The following MCTP2 variants were observed in gnomAD, a reference collection of about 807,000 sequenced individuals.
The protein encoded by MCTP2 is multiple C2 and transmembrane domain containing 2, also known as multiple C2 and transmembrane domain-containing protein 2.
In MCTP2, 132 loss-of-function variants were observed where a neutral mutation model predicts 111.6. That is an observed-to-expected ratio of 1.18 (90% CI 1.03 to 1.37). The LOEUF (loss-of-function observed/expected upper bound fraction) is 1.37, where lower values mean the gene tolerates loss of function less well. Ranked by LOEUF, MCTP2 falls within the 40% of genes most tolerant of loss-of-function variation. MCTP2 has a pLI of 0.00. For missense variants in MCTP2, 1,183 were observed against 1,067.9 expected (o/e 1.11, Z -1.50); for synonymous variants, 395 against 387.7 (o/e 1.02, Z -0.22).
intron 7 of MCTP2, 172 bp downstream of exon 7, chr15:94,341,096 T>C: frequency 1.9e-6 from 1 of 517,702 alleles, no homozygotes; most frequent in South Asian, 3.1e-5. Flanking sequence ...AATGCTCTTC[T>C]TTGAGGAACC....
At chr15:94,243,627 A>G (rs978350647) in intron 1 of MCTP2, among the ~76,000 whole-genome samples, 6 of 149,304 alleles carry the variant, frequency 4.0e-5, no homozygotes, top group African/African-American at 9.8e-5. Flanking sequence ...GTATATACGC[A>G]TATGCGTATA....
chr15:94,281,662 T>A (rs1181156614), intron 1 of MCTP2, among the ~76,000 whole-genome samples: 1 of 152,220 alleles, frequency 6.6e-6, no homozygotes, highest in African/African-American at 2.4e-5. Context: ...CAGTGTGCTA[T>A]GTACTTCAGT....
chr15:94,262,891 G>GA lies in MCTP2; in HGVS notation c.-66+31229dup, dbSNP rs1205408155. 2.0e-5 allele frequency among the ~76,000 whole-genome samples: 3 copies of GA among 152,206 alleles called. No individual in the cohort carries two copies. The East Asian group carries it at 5.8e-4, about 29-fold the overall frequency. On this transcript the variant is annotated intron_variant, in intron 1 of 22. Transcript: ENST00000357742. ...TTGCCATGTTGGCCAGGCTGGTCTCGAACTCCTGGCCTCCTGTGATCCACC... is the reference window on the plus strand; with the variant it reads ...TTGCCATGTTGGCCAGGCTGGTCTCGAAACTCCTGGCCTCCTGTGATCCACC...
intron 21 of MCTP2, among the ~76,000 whole-genome samples, chr15:94,471,196 G>A (rs980322124): frequency 6.6e-6 from 1 of 152,188 alleles, no homozygotes; most frequent in Non-Finnish European, 1.5e-5. Context: ...TGTTGGAGAA[G>A]CAGTTAGCCG....
At chr15:94,427,973 A>G (rs1461566301) in intron 17 of MCTP2, among the ~76,000 whole-genome samples, 1 of 151,942 alleles carries the variant, frequency 6.6e-6, no homozygotes, top group African/African-American at 2.4e-5. Context: ...ATCAAACCAT[A>G]CCCCTCCCAA....
At chr15:94,349,172 A>G (rs2078161354) in intron 8 of MCTP2, among the ~76,000 whole-genome samples, 1 of 152,122 alleles carries the variant, frequency 6.6e-6, no homozygotes, top group Non-Finnish European at 1.5e-5. Context: ...ATTAACCTGG[A>G]CAGAATGACT....
chr15:94,439,106 A>T (rs1462593273), intron 17 of MCTP2, among the ~76,000 whole-genome samples: 2 of 152,228 alleles, frequency 1.3e-5, no homozygotes, highest in Admixed American at 6.5e-5. Flanking sequence ...ATTTGCTTTT[A>T]TATGTAAATA....
At chr15:94,368,681 T>C (rs974869599) in intron 11 of MCTP2, among the ~76,000 whole-genome samples, 8 of 152,196 alleles carry the variant, frequency 5.3e-5, no homozygotes, top group Non-Finnish European at 1.0e-4. Flanking sequence ...GCTGGCATAC[T>C]GTGAAGAAGG....
chr15:94,416,943 T>C (rs1394055809), intron 17 of MCTP2, among the ~76,000 whole-genome samples: 1 of 152,124 alleles, frequency 6.6e-6, no homozygotes, highest in Non-Finnish European at 1.5e-5. Flanking sequence ...TTATAAGTAA[T>C]GTGAGACTAA....
At chr15:94,302,669 C>T (rs1284714499) in intron 2 of MCTP2, among the ~76,000 whole-genome samples, 2 of 152,164 alleles carry the variant, frequency 1.3e-5, no homozygotes, top group African/African-American at 4.8e-5. Flanking sequence ...CCTGAAGAAC[C>T]ACCTCAAACA....
chr15:94,457,728 G>A (rs2084924798), intron 19 of MCTP2, among the ~76,000 whole-genome samples: 1 of 152,194 alleles, frequency 6.6e-6, no homozygotes, highest in African/African-American at 2.4e-5. Context: ...TCTCCAACAT[G>A]CCAGGAACAT....
intron 1 of MCTP2, among the ~76,000 whole-genome samples, chr15:94,233,972 T>G (rs2070366959): frequency 6.6e-6 from 1 of 152,216 alleles, no homozygotes; most frequent in Admixed American, 6.5e-5. Context: ...GAGAAAAGGC[T>G]TTGCCCGTGA....
chr15:94,363,395 C>T (rs2079036842), intron 10 of MCTP2, among the ~76,000 whole-genome samples: 1 of 152,068 alleles, frequency 6.6e-6, no homozygotes, highest in South Asian at 2.1e-4. Context: ...GAAGCGGAGG[C>T]TTCCTTGAAG....
intron 17 of MCTP2, among the ~76,000 whole-genome samples, chr15:94,409,118 G>A (rs1402035742): frequency 6.6e-6 from 1 of 152,158 alleles, no homozygotes; most frequent in Non-Finnish European, 1.5e-5. Flanking sequence ...TCAGTGGGCT[G>A]GGAAAGGCAG....
intron 4 of MCTP2, among the ~76,000 whole-genome samples, chr15:94,325,811 G>GTTTTT (rs1567428361): frequency 1.1e-5 from 1 of 89,274 alleles, no homozygotes; most frequent in African/African-American, 5.9e-5. Context: ...CCATCGCTCC[G>GTTTTT]ATTTTTTTTT....
intron 20 of MCTP2, among the ~76,000 whole-genome samples, chr15:94,458,711 G>T (rs1048735292): frequency 4.6e-5 from 7 of 152,116 alleles, no homozygotes; most frequent in Non-Finnish European, 1.0e-4. Context: ...GTGAAGTTAA[G>T]TCACCACATA....
At chr15:94,279,573 A>ACTTCCTCT (rs1212987727) in intron 1 of MCTP2, among the ~76,000 whole-genome samples, 4 of 151,958 alleles carry the variant, frequency 2.6e-5, no homozygotes, top group African/African-American at 9.6e-5. Context: ...AGATAGTTTG[A>ACTTCCTCT]CTTCCTCTCT....
chr15:94,311,977 A>G (rs1287786653), intron 2 of MCTP2, among the ~76,000 whole-genome samples: 1 of 152,222 alleles, frequency 6.6e-6, no homozygotes, highest in South Asian at 2.1e-4. Flanking sequence ...GACCATCATT[A>G]TCCTTGGCTA....
chr15:94,348,451 T>C (rs112445617), intron 8 of MCTP2, among the ~76,000 whole-genome samples: 317 of 568 alleles, frequency 0.56, 52 homozygotes, highest in African/African-American at 0.64. Flanking sequence ...CTCCCCCCCT[T>C]CATTTCTCTC....
Sources: gnomAD v4.1 joint callset for allele counts (sites outside exome capture counted in the v4.1 genomes callset) on GRCh38, gnomAD v4.1.1 for gene constraint, MANE v1.5 for transcripts, NCBI Gene and HGNC (gene_info 2026-07-23, HGNC 2026-07-21) for gene names.